The following FGF13 variants were observed in gnomAD, a reference collection of about 807,000 sequenced individuals.
FGF13 encodes the protein fibroblast growth factor homologous factor 2.
In FGF13, 2 loss-of-function variants were observed where a neutral mutation model predicts 19.5. The ratio of observed to expected loss-of-function variants is 0.10; its 90% CI spans 0.04 to 0.32. FGF13 has a LOEUF of 0.32. Ranked by LOEUF, FGF13 falls within the 10% of genes least tolerant of loss-of-function variation. The pLI is 1.00. For synonymous variants in FGF13, 72 were observed against 76.9 expected, an observed-to-expected ratio of 0.94 and a Z score of 0.33; for missense variants, 113 against 192.7, an observed-to-expected ratio of 0.59 and a Z score of 2.45.
At chrX:138,833,516 G>A (rs2091089565) in intron 3 of FGF13, among the ~76,000 whole-genome samples, 1 of 111,998 alleles carries the variant, frequency 8.9e-6, no homozygotes, top group Non-Finnish European at 1.9e-5. Flanking sequence ...TTTGTATCCT[G>A]AGACTTTGCT....
intron 1 of FGF13, among the ~76,000 whole-genome samples, chrX:138,885,527 C>T (rs1462893767): frequency 9.0e-6 from 1 of 110,686 alleles, no homozygotes; most frequent in East Asian, 2.9e-4. Flanking sequence ...ACTTCTTTGA[C>T]TTCATCTCCC....
At chrX:138,728,666 A>G (rs900620627) in intron 1 of FGF13, among the ~76,000 whole-genome samples, 5 of 110,899 alleles carry the variant, frequency 4.5e-5, no homozygotes, top group Non-Finnish European at 7.6e-5. Context: ...CTCCTCTCCC[A>G]GTCCTAGGTG....
intron 1 of FGF13, among the ~76,000 whole-genome samples, chrX:139,007,093 T>A (rs1261369320): frequency 9.0e-6 from 1 of 111,328 alleles, no homozygotes; most frequent in African/African-American, 3.3e-5. Context: ...ATCTTTTGCT[T>A]ACAAGAAACA....
intron 1 of FGF13, among the ~76,000 whole-genome samples, chrX:139,052,183 AC>A (rs1300420435): frequency 1.5e-5 from 1 of 68,648 alleles, no homozygotes; most frequent in East Asian, 4.3e-4. Context: ...TTTTCACACC[AC>A]ACACACACAC....
intron 3 of FGF13, among the ~76,000 whole-genome samples, chrX:138,790,173 G>A (rs1310828264): frequency 3.8e-5 from 4 of 105,513 alleles, no homozygotes; most frequent in South Asian, 4.6e-4. Context: ...CGATGCCAGC[G>A]TGGTTGGATC....
intron 1 of FGF13, among the ~76,000 whole-genome samples, chrX:139,155,298 G>A (rs1039512057): frequency 8.9e-5 from 10 of 112,074 alleles, no homozygotes; most frequent in African/African-American, 3.2e-4. Flanking sequence ...TTAATGAAAA[G>A]GAATTGTCAT....
chrX:139,058,340 G>C (rs777246310), intron 1 of FGF13, among the ~76,000 whole-genome samples: 4 of 111,867 alleles, frequency 3.6e-5, no homozygotes, highest in South Asian at 7.5e-4. Context: ...TTCCTATAAA[G>C]TGAATATCTT....
chrX:138,638,224 A>G (rs1389326940), intron 3 of FGF13, among the ~76,000 whole-genome samples: 1 of 112,054 alleles, frequency 8.9e-6, no homozygotes, highest in African/African-American at 3.2e-5. Flanking sequence ...ACAACAAACA[A>G]CTTGATGTAA....
At chrX:138,778,629 C>G (rs985532302) in intron 3 of FGF13, among the ~76,000 whole-genome samples, 2 of 112,261 alleles carry the variant, frequency 1.8e-5, no homozygotes, top group East Asian at 5.6e-4. Context: ...AACGGCACAC[C>G]GGGAGAATAT....
At chrX:139,081,445 C>G (rs1208596110) in intron 1 of FGF13, among the ~76,000 whole-genome samples, 1 of 111,925 alleles carries the variant, frequency 8.9e-6, no homozygotes, top group Non-Finnish European at 1.9e-5. Flanking sequence ...ACTTTTCCAT[C>G]TACACTTCGT....
In FGF13 at chrX:138,739,294, C is replaced by T; in HGVS notation, c.-25G>A. 3.3e-6 allele frequency: 4 copies of T among 1,197,489 alleles called. No homozygotes were observed. The Admixed American group carries it at 6.7e-5, about 20-fold the overall frequency. ...TGCTTCTTTATAAGCTGGTCCTACC[C>T]AGACAATTGCTGTCTACATTTGGAG... is the stretch of plus-strand genomic sequence containing the variant. On this transcript the variant is annotated 5_prime_UTR_variant, in exon 1 of 5. Coordinates refer to the FGF13 transcript ENST00000305414.
At chrX:139,134,328 T>C (rs188435120) in intron 1 of FGF13, among the ~76,000 whole-genome samples, 3 of 112,107 alleles carry the variant, frequency 2.7e-5, no homozygotes, top group African/African-American at 9.7e-5. Context: ...TTAAATCCCC[T>C]TCATCTGCCA....
At position 138,928,736 on chromosome X, in the gene FGF13, A is replaced by T. The variant is rs143324950; in HGVS notation, c.-112-64086T>A. ...CCCACACCTCCTCACTGATGACAAG[A>T]ATTTTGTCTACAGTTTCTCTGCAAC... On this transcript the variant is annotated intron_variant, in intron 1 of 2. Transcript: ENST00000421460. Among the ~76,000 whole-genome samples, 18 of 112,113 alleles carry T rather than the reference A, an allele frequency of 1.6e-4. No homozygotes were observed. The East Asian group carries it at 3.9e-3, about 25-fold the overall frequency.
At chrX:138,877,539 G>A (rs2091397862) in intron 1 of FGF13, among the ~76,000 whole-genome samples, 1 of 111,548 alleles carries the variant, frequency 9.0e-6, no homozygotes, top group East Asian at 2.8e-4. Context: ...CCACTATTTC[G>A]AAAATCTTTT....
At chrX:138,882,148 T>C (rs1428099111) in intron 1 of FGF13, among the ~76,000 whole-genome samples, 1 of 111,496 alleles carries the variant, frequency 9.0e-6, no homozygotes, top group Non-Finnish European at 1.9e-5. Context: ...TTGTGATTTC[T>C]GTTTTGGCTA....
At chrX:138,875,944 T>C (rs2091386597) in intron 1 of FGF13, among the ~76,000 whole-genome samples, 2 of 110,351 alleles carry the variant, frequency 1.8e-5, no homozygotes, top group African/African-American at 3.3e-5. Context: ...GGGACTTGCA[T>C]ACCTGCATAA....
At chrX:138,720,476 CT>C (rs761596784) in intron 1 of FGF13, among the ~76,000 whole-genome samples, 2 of 111,701 alleles carry the variant, frequency 1.8e-5, no homozygotes, top group Non-Finnish European at 3.8e-5. Flanking sequence ...TGCATACTGC[CT>C]TTATATTTCA....
chrX:139,094,271 G>A (rs1018365720), intron 1 of FGF13, among the ~76,000 whole-genome samples: 1 of 112,038 alleles, frequency 8.9e-6, no homozygotes, highest in Non-Finnish European at 1.9e-5. Context: ...GCTGCATGAA[G>A]AACTATCATG....
chrX:138,794,574 C>T (rs1245498749), intron 3 of FGF13, among the ~76,000 whole-genome samples: 1 of 112,128 alleles, frequency 8.9e-6, no homozygotes, highest in Non-Finnish European at 1.9e-5. Context: ...AGAGGTATTA[C>T]AAGGAAGATC....
Sources: allele counts gnomAD v4.1 joint callset (sites outside exome capture counted in the v4.1 genomes callset), GRCh38; gene constraint gnomAD v4.1.1; transcripts MANE v1.5; gene names NCBI Gene and HGNC (gene_info 2026-07-23, HGNC 2026-07-21).